The following SDK2 variants were observed in gnomAD, a reference collection of about 807,000 sequenced individuals.
SDK2 encodes the protein sidekick cell adhesion molecule 2, also known as protein sidekick-2.
In SDK2, 105 loss-of-function variants were observed where a neutral mutation model predicts 253.9. The ratio of observed to expected loss-of-function variants is 0.41; its 90% CI spans 0.35 to 0.49. The LOEUF is 0.49. Ranked by LOEUF, SDK2 falls within the 20% of genes least tolerant of loss-of-function variation. SDK2 has a pLI of 0.06. For synonymous variants in SDK2, 1,249 were observed against 1,234.9 expected (o/e 1.01, Z -0.24); for missense variants, 2,608 against 3,003.0 (o/e 0.87, Z 3.07).
intron 1 of SDK2, among the ~76,000 whole-genome samples, chr17:73,632,559 T>C (rs2046283739): frequency 6.6e-6 from 1 of 152,202 alleles, no homozygotes; most frequent in Non-Finnish European, 1.5e-5. Context: ...ACTGACCTCC[T>C]TGCTCCTCAG....
chr17:73,564,331 T>C (rs944144582), intron 1 of SDK2, among the ~76,000 whole-genome samples: 1 of 152,246 alleles, frequency 6.6e-6, no homozygotes, highest in Non-Finnish European at 1.5e-5. Context: ...AAAGTTCTAC[T>C]GGACACTACT....
chr17:73,575,019 G>A (rs533227002), intron 1 of SDK2, among the ~76,000 whole-genome samples: 67 of 152,198 alleles, frequency 4.4e-4, no homozygotes, highest in Non-Finnish European at 8.7e-4. Flanking sequence ...AGGACTGCTC[G>A]TATAGTCTCA....
Position 73,496,720 on chromosome 17 carries a change from C to G in SDK2, c.224+10718G>C, listed in dbSNP as rs2063844435. Among the ~76,000 whole-genome samples the G allele has an allele frequency of 6.6e-6, 1 of 152,122 alleles. No homozygotes were observed. Among genetic ancestry groups the G allele is most frequent in the Non-Finnish European group, 1.5e-5 (1 of 68,020 alleles). On this transcript the variant is annotated intron_variant, in intron 2 of 44. Coordinates refer to ENST00000392650, the MANE Select transcript of SDK2 (RefSeq NM_001144952.2). The surrounding 1 kb of genome is among the most constrained non-coding windows in gnomAD (Gnocchi z 4.7). ...CCACTTCCTAGGGCAACTGGCTCAA[C>G]CTGTCATGCCCCTTCCAGTCTCCAA...
At chr17:73,589,453 G>T (rs753609735) in intron 1 of SDK2, among the ~76,000 whole-genome samples, 3 of 152,236 alleles carry the variant, frequency 2.0e-5, no homozygotes, top group African/African-American at 7.2e-5. Context: ...GGCAAGGGAC[G>T]TGGCCTTGGA....
At chr17:73,503,223 T>C (rs541882201) in intron 2 of SDK2, among the ~76,000 whole-genome samples, 1 of 152,288 alleles carries the variant, frequency 6.6e-6, no homozygotes, top group South Asian at 2.1e-4. Flanking sequence ...ACAACAACCA[T>C]GGCCATGAAG....
intron 44 of SDK2, among the ~76,000 whole-genome samples, chr17:73,340,806 C>T (rs1202326660): frequency 5.5e-5 from 3 of 54,654 alleles, no homozygotes; most frequent in South Asian, 7.7e-4. Flanking sequence ...TGCAGTGGCA[C>T]GATCTTGGCT....
At chr17:73,551,357 G>A (rs976949882) in intron 1 of SDK2, among the ~76,000 whole-genome samples, 1 of 152,166 alleles carries the variant, frequency 6.6e-6, no homozygotes, top group African/African-American at 2.4e-5. Context: ...CCCAGACAAA[G>A]AACAGAAACG....
At chr17:73,414,883 C>T in intron 17 of SDK2, 124 bp from the exon 18 acceptor site, 1 of 633,730 alleles carries the variant, frequency 1.6e-6, no homozygotes, top group South Asian at 1.8e-5. Context: ...TACCCCACCC[C>T]AACTCCTCCC....
In SDK2 at chr17:73,397,822, G is replaced by C. The variant is rs148220509; in HGVS notation, c.3354+213C>G. Among the ~76,000 whole-genome samples, 279 of 152,362 alleles carry C rather than the reference G, an allele frequency of 1.8e-3. 1 individual carries two copies. Among genetic ancestry groups the C allele is most frequent in the African/African-American group, 6.6e-3 (276 of 41,584 alleles). On this transcript the variant is annotated intron_variant, in intron 24 of 44. Coordinates refer to ENST00000392650, the MANE Select transcript of SDK2 (RefSeq NM_001144952.2). ...AAATTTAAAATGCTTGCCACTTGGC[G>C]ATGCTCAGTAAACAGTATTTTTGAG... is the stretch of plus-strand genomic sequence containing the variant.
Position 73,338,861 on chromosome 17 carries a change from G to A in SDK2, c.6245C>T (p.Thr2082Ile). Residue 2082 changes from threonine (T) to isoleucine (I), a missense_variant, in exon 45 of 45, where the codon ACA becomes ATA. By Grantham distance (89) the Thr-to-Ile change is moderately conservative. Around this residue, in one of 2 missense-constraint regions of SDK2, gnomAD observed 1,103 missense variants for 1,143.9 expected, o/e 0.96. Transcript: ENST00000392650. This position sits in a 1 kb window ranked among gnomAD's most constrained non-coding sequence, Gnocchi z 5.0. ...SFVNHYISDP[T>I]YYNSWRRQQK... ...CTGTCGCCGCCACGAGTTGTAGTAT[G>A]TGGGGTCACTGATGTAGTGGTTGAC... is the stretch of plus-strand genomic sequence containing the variant. 3 of 1,614,018 alleles carry A rather than the reference G, an allele frequency of 1.9e-6. No homozygotes were observed. The highest frequency in any genetic ancestry group is 2.7e-5 in the African/African-American group (2 of 75,040).
chr17:73,434,788 G>A (rs2063354134), intron 9 of SDK2, among the ~76,000 whole-genome samples: 1 of 152,098 alleles, frequency 6.6e-6, no homozygotes, highest in African/African-American at 2.4e-5. Flanking sequence ...GTGCCACCCT[G>A]CCTGGCTAAT....
At chr17:73,599,297 C>T (rs1163581282) in intron 1 of SDK2, among the ~76,000 whole-genome samples, 4 of 152,160 alleles carry the variant, frequency 2.6e-5, no homozygotes, top group East Asian at 3.9e-4. Context: ...TTTGGGAGGC[C>T]GAAGGGGGTG....
chr17:73,595,847 G>C (rs1340410048), intron 1 of SDK2, among the ~76,000 whole-genome samples: 1 of 152,202 alleles, frequency 6.6e-6, no homozygotes, highest in Non-Finnish European at 1.5e-5. Flanking sequence ...GAGGGGCCAG[G>C]GGAGCTGGGA....
At chr17:73,588,004 C>T (rs909427919) in intron 1 of SDK2, among the ~76,000 whole-genome samples, 1 of 152,150 alleles carries the variant, frequency 6.6e-6, no homozygotes, top group African/African-American at 2.4e-5. Context: ...AGACTCTAGT[C>T]CAGTGGTTTT....
chr17:73,581,548 C>T (rs2045534773), intron 1 of SDK2, among the ~76,000 whole-genome samples: 1 of 152,256 alleles, frequency 6.6e-6, no homozygotes, highest in South Asian at 2.1e-4. Flanking sequence ...GCCCTGACAG[C>T]AGTGGGCGCT....
chr17:73,480,668 G>A (rs1292489625), intron 2 of SDK2, among the ~76,000 whole-genome samples: 1 of 152,146 alleles, frequency 6.6e-6, no homozygotes, highest in African/African-American at 2.4e-5. Flanking sequence ...GAGAGACAGA[G>A]AGATCTAGGG....
At chr17:73,552,525 A>G (rs1385832064) in intron 1 of SDK2, among the ~76,000 whole-genome samples, 1 of 152,160 alleles carries the variant, frequency 6.6e-6, no homozygotes, top group African/African-American at 2.4e-5. Flanking sequence ...TCAGTGGTCG[A>G]GGCGCAGGTC....
chr17:73,628,795 G>A (rs2046234223), intron 1 of SDK2, among the ~76,000 whole-genome samples: 1 of 152,160 alleles, frequency 6.6e-6, no homozygotes, highest in Non-Finnish European at 1.5e-5. Flanking sequence ...AGGTGCTGGG[G>A]CACACGAGAG....
intron 10 of SDK2, among the ~76,000 whole-genome samples, chr17:73,433,235 G>A (rs2063341422): frequency 6.6e-6 from 1 of 152,096 alleles, no homozygotes; most frequent in East Asian, 1.9e-4. Context: ...GCAGGTCTTG[G>A]AAGATGAAGA....
Sources: gnomAD v4.1 joint callset for allele counts (sites outside exome capture counted in the v4.1 genomes callset) on GRCh38, gnomAD v4.1.1 for gene constraint, gnomAD v4.1.1 regional missense constraint, Gnocchi (gnomAD v3.1) non-coding constraint, MANE v1.5 for transcripts, NCBI Gene and HGNC (gene_info 2026-07-23, HGNC 2026-07-21) for gene names.